DNAH17: variants seen among roughly 807,000 people sequenced by gnomAD.
DNAH17 encodes the protein axonemal beta dynein heavy chain 17.
DNAH17 carries 376 observed loss-of-function variants against 485.6 expected under a neutral mutation model. That is an observed-to-expected ratio of 0.77 (90% CI 0.71 to 0.84). The LOEUF is 0.84. Ranked by LOEUF, DNAH17 falls within the 40% of genes least tolerant of loss-of-function variation. The pLI is 0.00. For missense variants in DNAH17, 6,370 were observed against 5,839.3 expected, an observed-to-expected ratio of 1.09 and a Z score of -2.96; for synonymous variants, 3,031 against 2,405.9, an observed-to-expected ratio of 1.26 and a Z score of -7.60.
chr17:78,460,717 G>A (rs2088076386), intron 58 of DNAH17, among the ~76,000 whole-genome samples: 2 of 152,180 alleles, frequency 1.3e-5, no homozygotes, highest in Non-Finnish European at 2.9e-5. Context: ...ATCGGCTTGA[G>A]CTTCCAAGAC....
intron 16 of DNAH17, among the ~76,000 whole-genome samples, chr17:78,544,485 C>T (rs1432986968): frequency 6.6e-6 from 1 of 152,094 alleles, no homozygotes; most frequent in African/African-American, 2.4e-5. Flanking sequence ...GGCTCCCCTG[C>T]AAGTGGGAGT....
intron 19 of DNAH17, among the ~76,000 whole-genome samples, chr17:78,536,951 GGATCATGA>G (rs1183146937): frequency 1.3e-5 from 2 of 152,014 alleles, no homozygotes; most frequent in African/African-American, 2.4e-5. Flanking sequence ...CGAGGCGGGT[GGATCATGA>G]GTTCAGGAGA....
chr17:78,449,846 T>C (rs2087470865), intron 68 of DNAH17: 2 of 456,358 alleles, frequency 4.4e-6, no homozygotes, highest in Non-Finnish European at 8.0e-6. Flanking sequence ...GCTAATTTTT[T>C]TTTATTTTTA....
rs1432197108 is a variant in DNAH17 at position 78,428,829 on chromosome 17, T to C, written c.12406-122A>G. The C allele has an allele frequency of 8.0e-6, 10 of 1,253,352 alleles. No individual in the cohort carries two copies. In the East Asian group the frequency reaches 1.2e-4, roughly 15 times the overall value. 77.6% of individuals were successfully genotyped at this position (1,253,352 alleles called of 1,614,324 possible). A position where few individuals can be genotyped will look rare whatever the true frequency, so the allele number is the denominator to read the frequency against. On this transcript the variant is annotated intron_variant, in intron 76 of 80. Transcript: ENST00000389840. ...ACCTTGCTGTCTGTACAGATCCCAC[T>C]TGTTTCCCAGCCCCCTTTGTGGGCT...
intron 10 of DNAH17, 80 bp from the exon 11 acceptor site, chr17:78,566,810 TGA>T: frequency 7.5e-7 from 1 of 1,340,158 alleles, no homozygotes; most frequent in Non-Finnish European, 1.0e-6. Context: ...CCTGCCCTGC[TGA>T]GAGGACTCGG....
At chr17:78,524,830 C>T (rs1159758956) in intron 25 of DNAH17, among the ~76,000 whole-genome samples, 179 bp downstream of exon 25, 3 of 152,170 alleles carry the variant, frequency 2.0e-5, no homozygotes, top group South Asian at 4.1e-4. Flanking sequence ...ACATATCCTG[C>T]TTTAGCGGAG....
rs745915166 is a variant in DNAH17, at chr17:78,570,992, G to A, written c.874C>T (p.Leu292=). The A allele has an allele frequency of 7.6e-6, 12 of 1,584,080 alleles. No homozygotes were observed. In the East Asian group the frequency reaches 1.2e-4, roughly 15 times the overall value. The change falls in exon 6 of 81, where the codon CTA becomes TTA. Residue 292 remains leucine (L), a synonymous_variant. Transcript: ENST00000389840. ...TCCATCTCCTCCAGCAGGATCCGTA[G>A]GGGCTTCAAATAGAGCACGATGTCG... ...ANDIVLYLKP[L]RILLEEMEQA... is the part of the protein sequence containing the mutation.
In DNAH17 at chr17:78,522,854, C is replaced by CT. The variant is rs148046861; in HGVS notation, c.3864+2154dup. On this transcript the variant is annotated intron_variant, in intron 25 of 80. Coordinates refer to ENST00000389840, the MANE Select transcript of DNAH17 (RefSeq NM_173628.4). The stretch of plus-strand genomic sequence containing the variant: ...TAAATTCTTCCTTTCTTTCCTTTTT[C>CT]TTTCTTTTTTTTTTTTGAGATGTGG... The CT allele has an allele frequency of 2.9e-3, 455 of 155,274 alleles. 2 individuals are homozygous for CT. Among genetic ancestry groups the CT allele is most frequent in the South Asian group, 1.0e-2 (65 of 6,530 alleles). The allele number at this position is 155,274 out of a possible 1,614,324, so 9.6% of individuals were successfully genotyped here.
intron 69 of DNAH17, among the ~76,000 whole-genome samples, chr17:78,446,650 A>G (rs2087317397): frequency 6.6e-6 from 1 of 151,610 alleles, no homozygotes; most frequent in Admixed American, 6.6e-5. Flanking sequence ...ATTTATTATT[A>G]TTTATTTTTT....
At chr17:78,537,248 G>A (rs2091402815) in intron 19 of DNAH17, 51 bp downstream of exon 19, 1 of 1,520,186 alleles carries the variant, frequency 6.6e-7, no homozygotes, top group African/African-American at 1.4e-5. Flanking sequence ...AACACCAAAT[G>A]GGGAAAGCAA....
chr17:78,458,876 C>G (rs2087942026), intron 61 of DNAH17, 125 bp downstream of exon 61: 2 of 1,178,388 alleles, frequency 1.7e-6, no homozygotes, highest in Admixed American at 2.0e-5. Flanking sequence ...TGCCTGCATC[C>G]TCTTGCACTG....
At chr17:78,516,451 C>T (rs1278865281) in intron 25 of DNAH17, among the ~76,000 whole-genome samples, 2 of 152,190 alleles carry the variant, frequency 1.3e-5, no homozygotes, top group Non-Finnish European at 2.9e-5. Context: ...CTTTGGGAGG[C>T]CGAGGCGGGT....
chr17:78,462,312 TC>T, intron 57 of DNAH17, among the ~76,000 whole-genome samples: 2 of 150,166 alleles, frequency 1.3e-5, no homozygotes, highest in Admixed American at 6.6e-5. Context: ...AAGTGGGAGG[TC>T]CCAGTCTGTT....
intron 48 of DNAH17, among the ~76,000 whole-genome samples, chr17:78,484,561 G>C (rs527287504): frequency 4.6e-5 from 5 of 107,932 alleles, no homozygotes; most frequent in African/African-American, 6.3e-5. Context: ...TCGGTGGAAG[G>C]GGGGAAGGAG....
chr17:78,442,930 T>G (rs751252303), intron 71 of DNAH17, among the ~76,000 whole-genome samples: 40 of 152,244 alleles, frequency 2.6e-4, no homozygotes, highest in Non-Finnish European at 4.0e-4. Flanking sequence ...TTGTTATTAG[T>G]CACGTCTGTT....
At chr17:78,558,038 C>G in intron 14 of DNAH17, 70 bp downstream of exon 14, 2 of 1,451,344 alleles carry the variant, frequency 1.4e-6, no homozygotes, top group Non-Finnish European at 1.8e-6. Flanking sequence ...CTGAAACACA[C>G]AAACAAACTT....
chr17:78,491,915 C>G (rs547874131), intron 42 of DNAH17, among the ~76,000 whole-genome samples: 3 of 152,332 alleles, frequency 2.0e-5, no homozygotes, highest in African/African-American at 7.2e-5. Context: ...TCCACTCACA[C>G]GCTCAGCAGA....
In DNAH17 at chr17:78,544,945, G is replaced by GT. The variant is rs935232787; in HGVS notation, c.2392-949dup. ...TATATGGTAACAAAACACCTAATAA[G>GT]TTTTTTTTGTCAAAAAACAGTCTTT... On this transcript the variant is annotated intron_variant, in intron 16 of 80. Coordinates refer to ENST00000389840, the MANE Select transcript of DNAH17 (RefSeq NM_173628.4). Among the ~76,000 whole-genome samples the GT allele has an allele frequency of 6.8e-4, 103 of 150,740 alleles. 1 individual carries two copies. Among genetic ancestry groups the GT allele is most frequent in the East Asian group, 4.7e-3 (24 of 5,074 alleles).
Position 78,486,254 on chromosome 17 carries a change from C to T in DNAH17, c.7071G>A (p.Trp2357Ter). The T allele has an allele frequency of 2.5e-6, 4 of 1,597,936 alleles. No individual in the cohort carries two copies. Among genetic ancestry groups the T allele is most frequent in the Non-Finnish European group, 3.4e-6 (4 of 1,169,216 alleles). The change falls in exon 45 of 81, where the codon TGG becomes TGA. Residue 2357 changes from tryptophan to a stop codon, truncating the protein, a stop_gained. Transcript: ENST00000389840. LOFTEE classifies it high-confidence loss of function. ...YELYFVFTCF[W>*]AFGGAMFQDQ... ...CCTGGAACATGGCGCCACCGAAGGC[C>T]CAGAAGCAGGTGAACACGAAGTACA... is the stretch of plus-strand genomic sequence containing the variant.
Sources: allele counts gnomAD v4.1 joint callset (sites outside exome capture counted in the v4.1 genomes callset), GRCh38; gene constraint gnomAD v4.1.1; transcripts MANE v1.5; gene names NCBI Gene and HGNC (gene_info 2026-07-23, HGNC 2026-07-21).